The following ST6GALNAC3 variants were observed in gnomAD, a reference collection of about 807,000 sequenced individuals.
ST6GALNAC3 encodes alpha-N-acetylgalactosaminide alpha-2,6-sialyltransferase 3.
A neutral mutation model predicts 32.7 loss-of-function variants in ST6GALNAC3; 25 were observed. The ratio of observed to expected loss-of-function variants is 0.76; its 90% confidence interval spans 0.56 to 1.07. The LOEUF (loss-of-function observed/expected upper bound fraction) is 1.07, where lower values mean the gene tolerates loss of function less well. Ranked by LOEUF, ST6GALNAC3 falls within the 50% of genes least tolerant of loss-of-function variation. ST6GALNAC3 has a pLI of 0.00. For synonymous variants in ST6GALNAC3, 129 were observed against 133.1 expected, an observed-to-expected ratio of 0.97 and a Z score of 0.21; for missense variants, 355 against 382.4, an observed-to-expected ratio of 0.93 and a Z score of 0.60.
intron 3 of ST6GALNAC3, among the ~76,000 whole-genome samples, chr1:76,592,474 G>GTGCA (rs1475807710): frequency 6.6e-6 from 1 of 152,184 alleles, no homozygotes; most frequent in Non-Finnish European, 1.5e-5. Flanking sequence ...TATGGATAAG[G>GTGCA]TGCATGGGTG....
intron 1 of ST6GALNAC3, among the ~76,000 whole-genome samples, chr1:76,129,080 T>A (rs1225079477): frequency 6.6e-6 from 1 of 152,154 alleles, no homozygotes; most frequent in Non-Finnish European, 1.5e-5. Flanking sequence ...GCAGTGAGGT[T>A]ATGGCTTGTA....
intron 1 of ST6GALNAC3, among the ~76,000 whole-genome samples, chr1:76,283,597 T>C (rs1175052800): frequency 1.3e-5 from 2 of 152,206 alleles, no homozygotes; most frequent in Non-Finnish European, 1.5e-5. Flanking sequence ...ATGTCTTGCC[T>C]CTTTTGATCT....
At chr1:76,562,825 A>G (rs566730554) in intron 3 of ST6GALNAC3, among the ~76,000 whole-genome samples, 1 of 152,350 alleles carries the variant, frequency 6.6e-6, no homozygotes, top group African/African-American at 2.4e-5. Flanking sequence ...GACAATTCTC[A>G]AGTTAGAATT....
At chr1:76,621,458 A>G (rs1648645325) in intron 3 of ST6GALNAC3, among the ~76,000 whole-genome samples, 1 of 152,092 alleles carries the variant, frequency 6.6e-6, no homozygotes, top group Non-Finnish European at 1.5e-5. Context: ...TGATTTGCAG[A>G]AAGTTGTTGC....
intron 1 of ST6GALNAC3, among the ~76,000 whole-genome samples, chr1:76,182,442 A>G (rs2100466166): frequency 6.6e-6 from 1 of 152,282 alleles, no homozygotes; most frequent in African/African-American, 2.4e-5. Context: ...CATTCATAAA[A>G]CTTTTCATAA....
chr1:76,554,393 G>A (rs1375609802), intron 3 of ST6GALNAC3, among the ~76,000 whole-genome samples: 2 of 152,182 alleles, frequency 1.3e-5, no homozygotes, highest in East Asian at 1.9e-4. Context: ...AACCAATTAA[G>A]TCAGTTTTAC....
intron 1 of ST6GALNAC3, among the ~76,000 whole-genome samples, chr1:76,103,035 T>G (rs1482822541): frequency 6.6e-6 from 1 of 152,034 alleles, no homozygotes; most frequent in African/African-American, 2.4e-5. Flanking sequence ...CTTCTGGCTT[T>G]CTTTATTTCT....
chr1:76,173,161 G>A (rs1652631065), intron 1 of ST6GALNAC3, among the ~76,000 whole-genome samples: 1 of 152,148 alleles, frequency 6.6e-6, no homozygotes, highest in South Asian at 2.1e-4. Flanking sequence ...GAGCAGAGTA[G>A]AGACCTCAGA....
chr1:76,091,193 A>G (rs1380429904), intron 1 of ST6GALNAC3, among the ~76,000 whole-genome samples: 2 of 152,244 alleles, frequency 1.3e-5, no homozygotes, highest in African/African-American at 2.4e-5. Context: ...CACGTGTAAA[A>G]TGAAGATAAG....
intron 1 of ST6GALNAC3, among the ~76,000 whole-genome samples, chr1:76,232,852 A>T: frequency 6.6e-6 from 1 of 152,198 alleles, no homozygotes; most frequent in Admixed American, 6.5e-5. Context: ...CGAGATGGAG[A>T]TGAGCCACTG....
chr1:76,185,055 C>A (rs2100480104), intron 1 of ST6GALNAC3, among the ~76,000 whole-genome samples: 1 of 152,234 alleles, frequency 6.6e-6, no homozygotes, highest in East Asian at 1.9e-4. Context: ...CCCTGTGAAT[C>A]CATATTGCTT....
intron 1 of ST6GALNAC3, among the ~76,000 whole-genome samples, chr1:76,142,572 G>C (rs764245243): frequency 6.6e-6 from 1 of 152,184 alleles, no homozygotes; most frequent in Non-Finnish European, 1.5e-5. Context: ...TGACTGGGCA[G>C]GGAGGAAGAA....
intron 1 of ST6GALNAC3, among the ~76,000 whole-genome samples, chr1:76,113,325 C>T (rs1406729056): frequency 2.6e-5 from 1 of 38,290 alleles, no homozygotes; most frequent in Non-Finnish European, 5.1e-5. Context: ...AGAGGGAGAC[C>T]GTGGGGAGAC....
chr1:76,407,591 C>T (rs551806219), intron 2 of ST6GALNAC3, among the ~76,000 whole-genome samples: 1 of 151,838 alleles, frequency 6.6e-6, no homozygotes, highest in East Asian at 1.9e-4. Context: ...ACAGCTGAAG[C>T]CCAGTGAAAA....
chr1:76,244,780 C>T (rs1451760572), intron 1 of ST6GALNAC3, among the ~76,000 whole-genome samples: 1 of 151,984 alleles, frequency 6.6e-6, no homozygotes, highest in East Asian at 1.9e-4. Flanking sequence ...TCCTTGTATT[C>T]CAGGGATGAA....
intron 1 of ST6GALNAC3, among the ~76,000 whole-genome samples, chr1:76,239,967 C>T (rs1051334014): frequency 6.6e-6 from 1 of 152,172 alleles, no homozygotes. Context: ...GCTTTAGCCT[C>T]TTTTGCATTT....
Position 76,450,049 on chromosome 1 carries a change from ATCTTTTTCGTATAATGACT to A in ST6GALNAC3, c.623+37639_623+37657del, listed in dbSNP as rs1274981221. On this transcript the variant is annotated intron_variant, in intron 3 of 4. Coordinates refer to ENST00000328299, the MANE Select transcript of ST6GALNAC3 (RefSeq NM_152996.4). ...ATGTTATAAACATGCATATGCAAGT[ATCTTTTTCGTATAATGACT>A]TCTTTTCCTCTGGGTACATATCCAG... Among the ~76,000 whole-genome samples the A allele has an allele frequency of 2.0e-5, 3 of 152,198 alleles. No homozygotes were observed. In the East Asian group the frequency reaches 5.8e-4, roughly 29 times the overall value.
At chr1:76,545,129 G>A (rs918586994) in intron 3 of ST6GALNAC3, among the ~76,000 whole-genome samples, 1 of 152,106 alleles carries the variant, frequency 6.6e-6, no homozygotes, top group African/African-American at 2.4e-5. Flanking sequence ...TCCACATCCA[G>A]CCTCGCCTCA....
intron 1 of ST6GALNAC3, among the ~76,000 whole-genome samples, chr1:76,080,346 C>T (rs1284206572): frequency 1.3e-5 from 2 of 152,084 alleles, no homozygotes; most frequent in Non-Finnish European, 2.9e-5. Flanking sequence ...CTTCTGAAAA[C>T]AGCTGAGCAT....
Sources: gnomAD v4.1 joint callset for allele counts (sites outside exome capture counted in the v4.1 genomes callset) on GRCh38, gnomAD v4.1.1 for gene constraint, MANE v1.5 for transcripts, NCBI Gene and HGNC (gene_info 2026-07-23, HGNC 2026-07-21) for gene names.